The following FOXN3 variants were observed in gnomAD, a reference collection of about 807,000 sequenced individuals.
FOXN3 encodes the protein forkhead box N3, also known as forkhead box protein N3.
Under a neutral mutation model 38.4 loss-of-function variants are expected in FOXN3, and 7 were observed. The observed-to-expected ratio is 0.18, with a 90% CI of 0.10 to 0.34. FOXN3 has a LOEUF of 0.34. Ranked by LOEUF, FOXN3 falls within the 10% of genes least tolerant of loss-of-function variation. The pLI is 1.00. For synonymous variants in FOXN3, 230 were observed against 242.2 expected (o/e 0.95, Z 0.47); for missense variants, 456 against 613.4 (o/e 0.74, Z 2.71).
chr14:89,609,035 G>A (rs1206270331), intron 1 of FOXN3, among the ~76,000 whole-genome samples: 1 of 152,174 alleles, frequency 6.6e-6, no homozygotes, highest in African/African-American at 2.4e-5. Context: ...GGAACAAGAT[G>A]TACAAAGGCT....
At chr14:89,335,077 TCACACACA>T (rs72014136) in intron 3 of FOXN3, among the ~76,000 whole-genome samples, 2,557 of 139,412 alleles carry the variant, frequency 0.018, 84 homozygotes, top group African/African-American at 0.063. Flanking sequence ...TATTTTCATA[TCACACACA>T]CACACACACA....
intron 4 of FOXN3, among the ~76,000 whole-genome samples, chr14:89,240,786 AT>A (rs1387074395): frequency 6.6e-6 from 1 of 152,120 alleles, no homozygotes; most frequent in Non-Finnish European, 1.5e-5. Flanking sequence ...TTTTATTACT[AT>A]TTTTTTAAAC....
intron 1 of FOXN3, among the ~76,000 whole-genome samples, chr14:89,525,773 T>C (rs1894420899): frequency 6.7e-6 from 1 of 148,938 alleles, no homozygotes; most frequent in African/African-American, 2.6e-5. Flanking sequence ...CTTTATTCTA[T>C]GAGTCCAGGA....
chr14:89,611,686 G>A (rs903719531), intron 1 of FOXN3, among the ~76,000 whole-genome samples: 1 of 151,902 alleles, frequency 6.6e-6, no homozygotes, highest in East Asian at 1.9e-4. Flanking sequence ...GGTGCCTGTA[G>A]TCCCAGCTGC....
chr14:89,366,371 C>T (rs538114703), intron 2 of FOXN3, among the ~76,000 whole-genome samples: 59 of 152,080 alleles, frequency 3.9e-4, no homozygotes, highest in South Asian at 1.0e-3. Context: ...GGAACGTGGG[C>T]ATGTTCCTCT....
intron 1 of FOXN3, among the ~76,000 whole-genome samples, chr14:89,436,891 A>G (rs1464974971): frequency 6.6e-6 from 1 of 152,228 alleles, no homozygotes; most frequent in Non-Finnish European, 1.5e-5. Flanking sequence ...TCACACCTGT[A>G]ATCCCAGCAT....
intron 1 of FOXN3, among the ~76,000 whole-genome samples, chr14:89,593,344 A>G (rs909832633): frequency 6.6e-6 from 1 of 152,184 alleles, no homozygotes; most frequent in African/African-American, 2.4e-5. Context: ...GTTTATTAAT[A>G]GCAAAAAAAA....
At chr14:89,410,500 A>G (rs955304465) in intron 2 of FOXN3, among the ~76,000 whole-genome samples, 1 of 152,250 alleles carries the variant, frequency 6.6e-6, no homozygotes, top group Non-Finnish European at 1.5e-5. Flanking sequence ...ATTACTTTTC[A>G]GGGCTCAAAG....
At chr14:89,252,913 AAGGGTGGGT>A (rs1475585373) in intron 4 of FOXN3, among the ~76,000 whole-genome samples, 3 of 152,168 alleles carry the variant, frequency 2.0e-5, no homozygotes, top group Admixed American at 6.5e-5. Context: ...TACTGTCCCA[AAGGGTGGGT>A]AGATTCAGGA....
chr14:89,385,801 C>CT (rs1351307849), intron 2 of FOXN3, among the ~76,000 whole-genome samples: 1 of 152,212 alleles, frequency 6.6e-6, no homozygotes, highest in East Asian at 1.9e-4. Flanking sequence ...AAGTGAAACT[C>CT]TGTCTCAAAA....
At chr14:89,204,185 A>C (rs1201834721) in intron 4 of FOXN3, among the ~76,000 whole-genome samples, 1 of 152,080 alleles carries the variant, frequency 6.6e-6, no homozygotes, top group Non-Finnish European at 1.5e-5. Context: ...GAGGAACCAA[A>C]GGACATGAAA....
chr14:89,297,708 T>A (rs1887086930), intron 3 of FOXN3, among the ~76,000 whole-genome samples: 1 of 152,232 alleles, frequency 6.6e-6, no homozygotes, highest in Admixed American at 6.5e-5. Flanking sequence ...CTGGGTGCGA[T>A]GGCTCACGCC....
rs562104410 is a variant in FOXN3 at position 89,372,084 on chromosome 14, A to G, written c.544-21276T>C. Among the ~76,000 whole-genome samples the G allele has an allele frequency of 3.3e-5, 5 of 152,230 alleles. No homozygotes were observed. In the East Asian group the frequency reaches 5.8e-4, roughly 18 times the overall value. ...GTCTTCTGCCAGGACCGTGACTGACAAAATAAAAAACGGAATTGATTATCC... is the reference window on the plus strand; with the variant it reads ...GTCTTCTGCCAGGACCGTGACTGACGAAATAAAAAACGGAATTGATTATCC... On this transcript the variant is annotated intron_variant, in intron 2 of 5. Transcript: ENST00000557258.
chr14:89,367,189 T>A (rs1246043974), intron 2 of FOXN3, among the ~76,000 whole-genome samples: 1 of 152,196 alleles, frequency 6.6e-6, no homozygotes, highest in Admixed American at 6.6e-5. Flanking sequence ...GGAACTTTCC[T>A]GGGAGTTCCT....
At chr14:89,273,079 GCTA>G (rs1886199078) in intron 4 of FOXN3, among the ~76,000 whole-genome samples, 1 of 152,162 alleles carries the variant, frequency 6.6e-6, no homozygotes, top group South Asian at 2.1e-4. Context: ...ACTGTTGTTT[GCTA>G]CTACATCTCT....
intron 4 of FOXN3, among the ~76,000 whole-genome samples, chr14:89,232,792 G>A (rs1169112637): frequency 1.3e-5 from 2 of 152,154 alleles, no homozygotes; most frequent in Non-Finnish European, 2.9e-5. Context: ...TTCTCTGAGA[G>A]GCTGGTCTCA....
At chr14:89,279,929 T>C (rs1456956276) in intron 4 of FOXN3, among the ~76,000 whole-genome samples, 1 of 152,162 alleles carries the variant, frequency 6.6e-6, no homozygotes, top group Admixed American at 6.5e-5. Flanking sequence ...ACCATACTTA[T>C]CTCCTACTCC....
rs1894930978 is a variant in FOXN3 at position 89,548,573 on chromosome 14, CACTA to C, written c.-15+70451_-15+70454del. ...GACTAATTTATGTTTCAAAGGCATA[CACTA>C]ACTAATCGTATGGGATAATGTATGT... On this transcript the variant is annotated intron_variant, in intron 1 of 6. Transcript: ENST00000345097. The surrounding 1 kb of genome is among the most constrained non-coding windows in gnomAD (Gnocchi z 4.8). Among the ~76,000 whole-genome samples, 1 of 152,182 alleles carries C rather than the reference CACTA, an allele frequency of 6.6e-6. No homozygotes were observed. Among genetic ancestry groups the C allele is most frequent in the Non-Finnish European group, 1.5e-5 (1 of 68,036 alleles).
intron 3 of FOXN3, among the ~76,000 whole-genome samples, chr14:89,322,772 T>C (rs1296165569): frequency 2.6e-5 from 4 of 152,052 alleles, no homozygotes; most frequent in Non-Finnish European, 5.9e-5. Context: ...GGAGGCCAAG[T>C]GGGAGTCAAT....
Sources: allele counts gnomAD v4.1 joint callset (sites outside exome capture counted in the v4.1 genomes callset), GRCh38; gene constraint gnomAD v4.1.1; non-coding constraint Gnocchi (gnomAD v3.1); transcripts MANE v1.5; gene names NCBI Gene and HGNC (gene_info 2026-07-23, HGNC 2026-07-21).